GABRG2: variants seen among roughly 807,000 people sequenced by gnomAD.
The protein encoded by GABRG2 is gamma-aminobutyric acid type A receptor subunit gamma2.
In GABRG2, 16 loss-of-function variants were observed where a neutral mutation model predicts 56.4. The ratio of observed to expected loss-of-function variants is 0.28; its 90% CI spans 0.19 to 0.43. The LOEUF (loss-of-function observed/expected upper bound fraction) is 0.43, where lower values mean the gene tolerates loss of function less well. GABRG2 is among the 20% of genes least tolerant of loss of function. The pLI, the probability that GABRG2 is intolerant of heterozygous loss-of-function variation, is 1.00. For missense variants in GABRG2, 327 were observed against 582.7 expected (o/e 0.56, Z 4.52); for synonymous variants, 208 against 205.5 (o/e 1.01, Z -0.10).
At chr5:162,107,060 G>T (rs926572167) in intron 6 of GABRG2, among the ~76,000 whole-genome samples, 1 of 152,068 alleles carries the variant, frequency 6.6e-6, no homozygotes, top group Non-Finnish European at 1.5e-5. Context: ...ATATGTCCAT[G>T]TATTATCATC....
At chr5:162,069,148 G>C (rs1758469849) in intron 1 of GABRG2, among the ~76,000 whole-genome samples, 1 of 152,112 alleles carries the variant, frequency 6.6e-6, no homozygotes. Flanking sequence ...AGTATTAGAG[G>C]AGCAACCATC....
chr5:162,067,705 C>T (rs1017640318), upstream of GABRG2: 6 of 603,828 alleles, frequency 9.9e-6, no homozygotes, highest in African/African-American at 7.4e-5. Flanking sequence ...TATTTGTCTC[C>T]GTATGAGTCT....
At chr5:162,070,052 T>C (rs550243364) in intron 1 of GABRG2, among the ~76,000 whole-genome samples, 1 of 152,268 alleles carries the variant, frequency 6.6e-6, no homozygotes, top group South Asian at 2.1e-4. Flanking sequence ...CATGTTTAAC[T>C]TTACTATAGT....
intron 6 of GABRG2, among the ~76,000 whole-genome samples, chr5:162,137,839 C>T (rs552258214): frequency 6.6e-6 from 1 of 152,076 alleles, no homozygotes. Context: ...GCAACCTCCA[C>T]GTCCCAGGCT....
intron 6 of GABRG2, among the ~76,000 whole-genome samples, chr5:162,135,101 C>T (rs970265141): frequency 6.6e-6 from 1 of 152,176 alleles, no homozygotes; most frequent in African/African-American, 2.4e-5. Context: ...TGTGTTTTAG[C>T]AGCCAAACCC....
intron 6 of GABRG2, among the ~76,000 whole-genome samples, 179 bp downstream of exon 6, chr5:162,104,205 A>C (rs569607455): frequency 2.6e-5 from 4 of 152,206 alleles, no homozygotes; most frequent in South Asian, 4.1e-4. Context: ...AAATATAAAT[A>C]TATTCTACCA....
Position 162,093,886 on chromosome 5 carries a change from G to A in GABRG2, c.166G>A (p.Val56Ile), listed in dbSNP as rs530774170. The A allele has an allele frequency of 2.5e-6, 4 of 1,613,210 alleles. No homozygotes were observed. The highest frequency in any genetic ancestry group is 1.7e-4 in the Middle Eastern group (1 of 6,052). ...YEDYASNKTW[V>I]LTPKVPEGDV... is the part of the protein sequence containing the mutation. ...AGATTATGCTTCTAACAAAACATGG[G>A]TCTTGACTCCAAAAGTTCCTGAGGG... Residue 56 changes from valine to isoleucine, a missense_variant, in exon 2 of 10, where the codon GTC becomes ATC. By Grantham distance (29) the Val-to-Ile change is conservative (BLOSUM62 3). Coordinates refer to ENST00000639213, the MANE Select transcript of GABRG2 (RefSeq NM_198904.4).
At chr5:162,149,053 G>T in intron 7 of GABRG2, 55 bp from the exon 8 acceptor site, 2 of 1,542,102 alleles carry the variant, frequency 1.3e-6, no homozygotes. Flanking sequence ...GAGTGACTCA[G>T]TTACCCAACT....
chr5:162,074,371 A>G (rs1368811865), intron 1 of GABRG2, among the ~76,000 whole-genome samples: 1 of 152,056 alleles, frequency 6.6e-6, no homozygotes, highest in African/African-American at 2.4e-5. Flanking sequence ...GTACCAAACA[A>G]CATAATCGTG....
rs1264278194 is a variant in GABRG2 at position 162,149,247 on chromosome 5, C to G, written c.1062C>G (p.Gly354=). The G allele has an allele frequency of 6.2e-7, 1 of 1,614,002 alleles. No individual in the cohort carries two copies. Among genetic ancestry groups the G allele is most frequent in the South Asian group, 1.1e-5 (1 of 91,084 alleles). The stretch of plus-strand genomic sequence containing the variant: ...TCTTCTCTGCTCTGGTGGAGTATGG[C>G]ACCTTGCATTATTTTGTCAGCAACC... ...IFVFSALVEY[G]TLHYFVSNRK... Residue 354 remains glycine, a synonymous_variant, in exon 8 of 10, where the codon GGC becomes GGG. Transcript: ENST00000639213.
At chr5:162,142,459 G>A in intron 7 of GABRG2, 143 bp downstream of exon 7, 2 of 893,034 alleles carry the variant, frequency 2.2e-6, no homozygotes, top group Non-Finnish European at 3.5e-6. Context: ...CAAGAGAACT[G>A]GCATTTTTAA....
rs754584418 is a variant in GABRG2, at chr5:162,067,991, A to C, written c.-9A>C. On this transcript the variant is annotated 5_prime_UTR_variant, in exon 1 of 10. Coordinates refer to ENST00000639213, the MANE Select transcript of GABRG2 (RefSeq NM_198904.4). ...GGCAAGAGGCGAGAGAAGGAAAAAA[A>C]AAAAAGCGATGAGTTCGCCAAATAT... 1 of 1,602,052 alleles carries C rather than the reference A, an allele frequency of 6.2e-7. No individual in the cohort carries two copies. Among genetic ancestry groups the C allele is most frequent in the South Asian group, 1.1e-5 (1 of 90,798 alleles).
At chr5:162,122,826 A>G (rs1261050736) in intron 6 of GABRG2, among the ~76,000 whole-genome samples, 1 of 151,746 alleles carries the variant, frequency 6.6e-6, no homozygotes, top group Non-Finnish European at 1.5e-5. Flanking sequence ...AAAACCTAAC[A>G]TAATAGTCAA....
At chr5:162,147,127 A>G (rs1051368225) in intron 7 of GABRG2, among the ~76,000 whole-genome samples, 2 of 152,100 alleles carry the variant, frequency 1.3e-5, no homozygotes, top group African/African-American at 4.8e-5. Context: ...CTTTTCCTGT[A>G]TGACACTGGT....
Position 162,151,810 on chromosome 5 carries a change from A to T in GABRG2, c.1152+57A>T, listed in dbSNP as rs1765393156. The T allele has an allele frequency of 4.3e-6, 6 of 1,411,378 alleles. No individual in the cohort carries two copies. The South Asian group carries it at 7.0e-5, about 17-fold the overall frequency. The allele number at this position is 1,411,378 out of a possible 1,614,324, so 87.4% of individuals were successfully genotyped here. A position where few individuals can be genotyped will look rare whatever the true frequency, so the allele number is the denominator to read the frequency against. ...ATGCAACTGCTAAATTTAACTATTA[A>T]TGCTTACATGGTGTTTTATTTTGTT... On this transcript the variant is annotated intron_variant, in intron 9 of 9. Transcript: ENST00000639213.
At chr5:162,100,490 A>T (rs946716470) in intron 4 of GABRG2, 1 of 152,146 alleles carries the variant, frequency 6.6e-6, no homozygotes, top group African/African-American at 2.4e-5. Flanking sequence ...TGACTTTCAA[A>T]TCTTCTCCCT....
intron 6 of GABRG2, among the ~76,000 whole-genome samples, chr5:162,141,106 G>T (rs1482219400): frequency 6.6e-6 from 1 of 151,938 alleles, no homozygotes; most frequent in South Asian, 2.1e-4. Flanking sequence ...GCGCCATCTC[G>T]GCTCACTGCA....
At chr5:162,151,359 T>C (rs374890933) in intron 8 of GABRG2, 92 of 173,948 alleles carry the variant, frequency 5.3e-4, no homozygotes, top group Middle Eastern at 2.4e-3. Context: ...TTTTGGATAA[T>C]TGTGTCAAGA....
intron 1 of GABRG2, among the ~76,000 whole-genome samples, chr5:162,071,989 A>G (rs1457619685): frequency 1.3e-5 from 2 of 151,928 alleles, no homozygotes; most frequent in Admixed American, 6.6e-5. Flanking sequence ...GTCACCCACT[A>G]CTACCTAAAC....
Sources: allele counts gnomAD v4.1 joint callset (sites outside exome capture counted in the v4.1 genomes callset), GRCh38; gene constraint gnomAD v4.1.1; transcripts MANE v1.5; gene names NCBI Gene and HGNC (gene_info 2026-07-23, HGNC 2026-07-21).